The following RASA2 variants were observed in gnomAD, a reference collection of about 807,000 sequenced individuals.
RASA2 encodes the protein ras GTPase-activating protein 2.
In RASA2, 155 loss-of-function variants were observed where a neutral mutation model predicts 118.2. The observed-to-expected ratio is 1.31, with a 90% CI of 1.15 to 1.50. RASA2 has a LOEUF of 1.50. Ranked by LOEUF, RASA2 falls within the 40% of genes most tolerant of loss-of-function variation. The pLI is 0.00. For missense variants in RASA2, 1,016 were observed against 1,009.6 expected, an observed-to-expected ratio of 1.01 and a Z score of -0.09; for synonymous variants, 353 against 349.1, an observed-to-expected ratio of 1.01 and a Z score of -0.12.
In RASA2 at chr3:141,487,150, G is replaced by A; in HGVS notation, c.67G>A (p.Glu23Lys). The A allele has an allele frequency of 6.8e-7, 1 of 1,462,956 alleles. No homozygotes were observed. Among genetic ancestry groups the A allele is most frequent in the Non-Finnish European group, 9.1e-7 (1 of 1,099,944 alleles). 90.6% of individuals were successfully genotyped at this position (1,462,956 alleles called of 1,614,324 possible). The change falls in exon 1 of 24, where the codon GAG (glutamate) becomes AAG (lysine). Residue 23 changes from glutamate (E) to lysine (K), a missense_variant. Coordinates refer to ENST00000286364, the MANE Select transcript of RASA2 (RefSeq NM_006506.5). ...GGCGCCAGCGGCGAGTGCGACTGCA[G>A]AGCCCGAGGCCGGGGACCAGGACAG... ...SEAPAASATA[E>K]PEAGDQDSRE...
chr3:141,571,115 A>G (rs2082912936), intron 10 of RASA2, 47 bp downstream of exon 10: 3 of 1,517,498 alleles, frequency 2.0e-6, no homozygotes, highest in Non-Finnish European at 2.7e-6. Context: ...AACGGCTAAA[A>G]TAATTCTATA....
chr3:141,571,618 A>G (rs941281479), intron 11 of RASA2, 64 bp downstream of exon 11: 4 of 1,494,618 alleles, frequency 2.7e-6, no homozygotes, highest in Non-Finnish European at 1.8e-6. Flanking sequence ...AGTTTGACAG[A>G]TTGATTTTGT....
At chr3:141,579,788 G>T (rs964162015) in intron 15 of RASA2, among the ~76,000 whole-genome samples, 13 of 151,766 alleles carry the variant, frequency 8.6e-5, no homozygotes, top group South Asian at 2.1e-4. Context: ...GTGCCAAAAG[G>T]CTCATGCCTG....
intron 3 of RASA2, among the ~76,000 whole-genome samples, chr3:141,520,570 C>T (rs576774103): frequency 9.2e-5 from 14 of 151,736 alleles, no homozygotes; most frequent in Non-Finnish European, 1.8e-4. Flanking sequence ...TTATAATATA[C>T]ATGCATTTGT....
intron 13 of RASA2, among the ~76,000 whole-genome samples, chr3:141,573,471 T>TATAG (rs1326994104): frequency 6.6e-6 from 1 of 152,214 alleles, no homozygotes; most frequent in Non-Finnish European, 1.5e-5. Context: ...GAACTTAAGC[T>TATAG]ATAGCTAGTT....
At chr3:141,556,744 TTTC>T (rs2082655960) in intron 7 of RASA2, among the ~76,000 whole-genome samples, 1 of 152,056 alleles carries the variant, frequency 6.6e-6, no homozygotes, top group Non-Finnish European at 1.5e-5. Flanking sequence ...TTTTGTGCCT[TTTC>T]TTCTGTGTGT....
At chr3:141,573,330 A>T (rs942287855) in intron 13 of RASA2, 109 bp downstream of exon 13, 2 of 1,169,056 alleles carry the variant, frequency 1.7e-6, no homozygotes, top group Non-Finnish European at 2.3e-6. Flanking sequence ...AGTGCTGTTT[A>T]TTCTTCACAT....
chr3:141,560,178 C>T (rs1354316939), intron 9 of RASA2, among the ~76,000 whole-genome samples, 183 bp downstream of exon 9: 1 of 152,044 alleles, frequency 6.6e-6, no homozygotes, highest in Non-Finnish European at 1.5e-5. Context: ...TATGACTTGA[C>T]CTGTGGTACT....
At chr3:141,541,481 A>C (rs2082403986) in intron 5 of RASA2, among the ~76,000 whole-genome samples, 1 of 151,954 alleles carries the variant, frequency 6.6e-6, no homozygotes, top group African/African-American at 2.4e-5. Context: ...CATATGTATG[A>C]CTCTTAATAT....
chr3:141,555,602 A>G (rs914053518), intron 6 of RASA2, among the ~76,000 whole-genome samples: 1 of 151,384 alleles, frequency 6.6e-6, no homozygotes, highest in African/African-American at 2.4e-5. Flanking sequence ...TTGGCAATCT[A>G]GTGTGTCCGT....
At chr3:141,526,595 T>C (rs561017153) in intron 3 of RASA2, among the ~76,000 whole-genome samples, 1 of 152,202 alleles carries the variant, frequency 6.6e-6, no homozygotes, top group Middle Eastern at 3.2e-3. Flanking sequence ...ATATTTTTCT[T>C]AATTTTCCTG....
At chr3:141,541,149 A>G (rs963052687) in intron 5 of RASA2, among the ~76,000 whole-genome samples, 2 of 152,108 alleles carry the variant, frequency 1.3e-5, no homozygotes, top group African/African-American at 2.4e-5. Context: ...TGTGATATCA[A>G]TAGACTGCCA....
At chr3:141,554,206 A>G (rs1337274417) in intron 6 of RASA2, among the ~76,000 whole-genome samples, 2 of 152,230 alleles carry the variant, frequency 1.3e-5, no homozygotes, top group Admixed American at 1.3e-4. Context: ...AGTACAATGT[A>G]GTACTTTAAA....
chr3:141,540,603 T>C lies in RASA2; in HGVS notation c.521T>C (p.Val174Ala). 1.2e-6 allele frequency: 2 copies of C among 1,610,400 alleles called. No homozygotes were observed. Among genetic ancestry groups the C allele is most frequent in the Non-Finnish European group, 1.7e-6 (2 of 1,177,402 alleles). ...TENGTVCQQL[V>A]VHIKACHGLP... ...AATGGAACTGTATGCCAGCAGCTTG[T>C]TGTACAGTAAGCATTTTTTTTAACC... The change falls in exon 5 of 24, where the codon GTT becomes GCT. Residue 174 changes from valine to alanine, a missense_variant. Val to Ala is a moderately conservative substitution (Grantham distance 64). This residue lies in a region of RASA2 where 896 missense variants were observed against 836.4 expected (regional missense o/e 1.07). Transcript: ENST00000286364.
intron 5 of RASA2, among the ~76,000 whole-genome samples, chr3:141,548,044 A>G (rs892623753): frequency 5.3e-5 from 8 of 152,214 alleles, no homozygotes; most frequent in African/African-American, 1.9e-4. Flanking sequence ...CCACTTGGTC[A>G]TGATGAATGA....
intron 7 of RASA2, among the ~76,000 whole-genome samples, chr3:141,556,731 A>T (rs902515841): frequency 3.3e-5 from 5 of 150,356 alleles, no homozygotes; most frequent in Non-Finnish European, 7.4e-5. Flanking sequence ...AAAAGGAGTT[A>T]CATTTTGTGC....
intron 1 of RASA2, among the ~76,000 whole-genome samples, chr3:141,509,144 G>A (rs550859399): frequency 6.6e-6 from 1 of 152,244 alleles, no homozygotes; most frequent in African/African-American, 2.4e-5. Flanking sequence ...TTGTTGAGCC[G>A]GGCATTGATT....
At chr3:141,594,364 A>ATT (rs11400810) in intron 19 of RASA2, among the ~76,000 whole-genome samples, 4 of 150,206 alleles carry the variant, frequency 2.7e-5, no homozygotes, top group Admixed American at 2.0e-4. Context: ...AAAAAAAAAA[A>ATT]TTTTTTTTTG....
In RASA2 at chr3:141,571,054, T is replaced by G; in HGVS notation, c.1006T>G (p.Ser336Ala). 1 of 1,601,014 alleles carries G rather than the reference T, an allele frequency of 6.2e-7. No homozygotes were observed. Among genetic ancestry groups the G allele is most frequent in the Non-Finnish European group, 8.5e-7 (1 of 1,176,672 alleles). ...TCCTTTGAAAACTTTGCTGCTAAAA[T>G]CACCAGATGTTCAAGTATGTTAAGA... Reference protein sequence around the residue: ...YGPLKTLLLKSPDVQPISASA... With the variant: ...YGPLKTLLLKAPDVQPISASA... Residue 336 changes from serine (S) to alanine (A), a missense_variant, in exon 10 of 24, where the codon TCA (serine) becomes GCA (alanine). Around this residue, in one of 2 missense-constraint regions of RASA2, gnomAD observed 896 missense variants for 836.4 expected, o/e 1.07. Coordinates refer to ENST00000286364, the MANE Select transcript of RASA2 (RefSeq NM_006506.5).
Sources: gnomAD v4.1 joint callset for allele counts (sites outside exome capture counted in the v4.1 genomes callset) on GRCh38, gnomAD v4.1.1 for gene constraint, gnomAD v4.1.1 regional missense constraint, MANE v1.5 for transcripts, NCBI Gene and HGNC (gene_info 2026-07-23, HGNC 2026-07-21) for gene names.